The following TAB1 variants were observed in gnomAD, a reference collection of about 807,000 sequenced individuals.
TAB1 encodes TGF-beta activated kinase 1 (MAP3K7) binding protein 1.
TAB1 carries 30 observed loss-of-function variants against 54.5 expected under a neutral mutation model. The ratio of observed to expected loss-of-function variants is 0.55; its 90% CI spans 0.41 to 0.75. TAB1 has a LOEUF of 0.75. TAB1 is among the 30% of genes least tolerant of loss of function. TAB1 has a pLI of 0.00. For missense variants in TAB1, 609 were observed against 683.2 expected (o/e 0.89, Z 1.21); for synonymous variants, 289 against 286.9 (o/e 1.01, Z -0.07).
At chr22:39,402,169 C>CA (rs1201718392) in intron 1 of TAB1, among the ~76,000 whole-genome samples, 1 of 152,012 alleles carries the variant, frequency 6.6e-6, no homozygotes, top group East Asian at 1.9e-4. Context: ...GTTTTCTTGA[C>CA]ACGTGTGTTT....
At position 39,417,726 on chromosome 22, in the gene TAB1, C is replaced by T. The variant is rs1317063288; in HGVS notation, c.427C>T (p.Gln143Ter). The change falls in exon 5 of 11, where the codon CAG (glutamine) becomes TAG (stop). Residue 143 changes from glutamine (Q) to a stop codon, truncating the protein, a stop_gained. Coordinates refer to ENST00000216160, the MANE Select transcript of TAB1 (RefSeq NM_006116.3). LOFTEE classifies it high-confidence loss of function. ...ATGGTTGTAGGGAGTCCCTCAGCAC[C>T]AGCTGCCTCCTCAGTATCAGAAGAT... is the stretch of plus-strand genomic sequence containing the variant. ...SQLPEGVPQH[Q>*]LPPQYQKILE... 1 of 1,610,530 alleles carries T rather than the reference C, an allele frequency of 6.2e-7. No homozygotes were observed. Among genetic ancestry groups the T allele is most frequent in the Non-Finnish European group, 8.5e-7 (1 of 1,178,220 alleles).
chr22:39,429,883 C>A (rs1927510022), intron 10 of TAB1, 132 bp from the exon 11 acceptor site: 4 of 1,514,836 alleles, frequency 2.6e-6, no homozygotes, highest in Non-Finnish European at 3.5e-6. Context: ...GGGCCAGCTC[C>A]TATGGTCACC....
chr22:39,423,964 A>AACTAATGTATAGTGTTTTATAGTGTACG lies in TAB1; in HGVS notation c.921+1993_921+1994insACTAATGTATAGTGTTTTATAGTGTACG, dbSNP rs1569200591. On this transcript the variant is annotated intron_variant, in intron 8 of 10. Coordinates refer to ENST00000216160, the MANE Select transcript of TAB1 (RefSeq NM_006116.3). The stretch of plus-strand genomic sequence containing the variant: ...TAATGTATAGTGTTTTATAGTGTAC[A>AACTAATGTATAGTGTTTTATAGTGTACG]TTGTAACTAATGTATAGTGTTTTAT... Among the ~76,000 whole-genome samples, 102 of 148,652 alleles carry AACTAATGTATAGTGTTTTATAGTGTACG rather than the reference A, an allele frequency of 6.9e-4. 3 individuals carry two copies. The highest frequency in any genetic ancestry group is 9.6e-4 in the Non-Finnish European group (64 of 66,948).
chr22:39,420,961 C>T (rs762353339), intron 7 of TAB1, among the ~76,000 whole-genome samples: 9 of 146,758 alleles, frequency 6.1e-5, no homozygotes, highest in South Asian at 2.2e-4. Context: ...GCATCCTTTT[C>T]GGAACACCCA....
chr22:39,430,057 G>T lies in TAB1; in HGVS notation c.1350G>T (p.Thr450=), dbSNP rs761345863. Residue 450 remains threonine, a synonymous_variant, in exon 11 of 11, where the codon ACG becomes ACT. Transcript: ENST00000216160. ...TLTLQSTNTH[T]QSSSSSSDGG... ...CCCTGCAGTCCACCAACACGCACAC[G>T]CAGAGCAGCAGCTCCAGCTCTGACG... 2 of 1,613,958 alleles carry T rather than the reference G, an allele frequency of 1.2e-6. No individual in the cohort carries two copies. The highest frequency in any genetic ancestry group is 2.2e-5 in the East Asian group (1 of 44,888).
intron 1 of TAB1, among the ~76,000 whole-genome samples, chr22:39,403,862 T>C (rs1926251496): frequency 6.6e-6 from 1 of 151,996 alleles, no homozygotes; most frequent in Admixed American, 6.6e-5. Context: ...GCCAGGATGG[T>C]CTCGATCTCC....
chr22:39,429,944 C>G, intron 10 of TAB1, 71 bp from the exon 11 acceptor site: 7 of 1,590,170 alleles, frequency 4.4e-6, no homozygotes, highest in Non-Finnish European at 6.0e-6. Context: ...AGGGGCCATT[C>G]TGTCCCCACT....
chr22:39,427,965 T>G, intron 9 of TAB1, 56 bp from the exon 10 acceptor site: 1 of 1,502,024 alleles, frequency 6.7e-7, no homozygotes, highest in Non-Finnish European at 9.0e-7. Context: ...ATGCCCCTGC[T>G]ACCCTGGGTT....
intron 8 of TAB1, among the ~76,000 whole-genome samples, chr22:39,424,982 T>C (rs1927257575): frequency 6.6e-6 from 1 of 152,142 alleles, no homozygotes; most frequent in Admixed American, 6.5e-5. Flanking sequence ...AAAGAAACTT[T>C]ATGATGGTGA....
At position 39,415,251 on chromosome 22, in the gene TAB1, G is replaced by A; in HGVS notation, c.170+109G>A. 7.3e-7 allele frequency: 1 copy of A among 1,375,020 alleles called. No homozygotes were observed. The highest frequency in any genetic ancestry group is 2.3e-5 in the East Asian group (1 of 42,848). 85.2% of individuals were successfully genotyped at this position (1,375,020 alleles called of 1,614,324 possible). A position where few individuals can be genotyped will look rare whatever the true frequency, so the allele number is the denominator to read the frequency against. Reference sequence around the variant, plus strand: ...CGTATGGGCTTGCCAGTGACATGTGGCCCGTGAGAGGTGGCCTCTGCTGCT... The same window carrying A: ...CGTATGGGCTTGCCAGTGACATGTGACCCGTGAGAGGTGGCCTCTGCTGCT... On this transcript the variant is annotated intron_variant, in intron 2 of 10. Coordinates refer to ENST00000216160, the MANE Select transcript of TAB1 (RefSeq NM_006116.3). This position sits in a 1 kb window ranked among gnomAD's most constrained non-coding sequence, Gnocchi z 4.9.
downstream of TAB1, among the ~76,000 whole-genome samples, chr22:39,436,265 C>A (rs1257748787): frequency 6.6e-6 from 1 of 151,998 alleles, no homozygotes; most frequent in African/African-American, 2.4e-5. Flanking sequence ...TATACTCCAG[C>A]CTGGGCAACA....
intron 4 of TAB1, among the ~76,000 whole-genome samples, chr22:39,417,137 T>C (rs979073543): frequency 4.6e-5 from 7 of 152,140 alleles, no homozygotes; most frequent in Non-Finnish European, 7.4e-5. Flanking sequence ...CCTGAATGGG[T>C]CCCCGCCCTT....
At chr22:39,405,037 C>T (rs760214399) in intron 1 of TAB1, among the ~76,000 whole-genome samples, 46 of 152,198 alleles carry the variant, frequency 3.0e-4, no homozygotes, top group Non-Finnish European at 5.1e-4. Context: ...TTCCTTTTTG[C>T]TTCTAAGGAA....
chr22:39,405,717 A>G lies in TAB1; in HGVS notation c.33+5882A>G, dbSNP rs189834809. 2.4e-3 allele frequency among the ~76,000 whole-genome samples: 368 copies of G among 152,356 alleles called. 1 individual carries two copies. Among genetic ancestry groups the G allele is most frequent in the Non-Finnish European group, 4.4e-3 (297 of 68,026 alleles). ...GAAGCGAGAGACTTGGCAGTCCTGTAGGCTTTAATGGAATCAGCAATGGAC... is the reference window on the plus strand; with the variant it reads ...GAAGCGAGAGACTTGGCAGTCCTGTGGGCTTTAATGGAATCAGCAATGGAC... On this transcript the variant is annotated intron_variant, in intron 1 of 10. Transcript: ENST00000216160.
chr22:39,421,314 C>G (rs1226802538), intron 7 of TAB1, among the ~76,000 whole-genome samples: 3 of 152,184 alleles, frequency 2.0e-5, no homozygotes, highest in Non-Finnish European at 4.4e-5. Context: ...CTCCGCTCTT[C>G]TGGATGGTGT....
intron 1 of TAB1, among the ~76,000 whole-genome samples, chr22:39,401,146 A>AT (rs1178494217): frequency 2.6e-5 from 4 of 152,168 alleles, no homozygotes; most frequent in Admixed American, 1.3e-4. Context: ...GGCACTCAAT[A>AT]AATACATTTG....
At chr22:39,429,443 T>C in intron 10 of TAB1, 1 of 804,424 alleles carries the variant, frequency 1.2e-6, no homozygotes, top group African/African-American at 1.9e-5. Flanking sequence ...CTCTAGCCAC[T>C]TGTGGCTATT....
In TAB1 at chr22:39,430,142, G is replaced by T. The variant is rs1251254720; in HGVS notation, c.1435G>T (p.Glu479Ter). ...SLPPGEDGRV[E>*]PYVDFAEFYR... ...CCCGCCTGGCGAGGACGGTCGTGTTGAGCCCTATGTGGACTTTGCTGAGTT... is the reference window on the plus strand; with the variant it reads ...CCCGCCTGGCGAGGACGGTCGTGTTTAGCCCTATGTGGACTTTGCTGAGTT... Residue 479 changes from glutamate (E) to a stop codon, truncating the protein, a stop_gained, in exon 11 of 11, where the codon GAG becomes TAG. Transcript: ENST00000216160. LOFTEE classifies it high-confidence loss of function. 1 of 1,613,916 alleles carries T rather than the reference G, an allele frequency of 6.2e-7. No individual in the cohort carries two copies. Among genetic ancestry groups the T allele is most frequent in the Non-Finnish European group, 8.5e-7 (1 of 1,180,060 alleles).
chr22:39,416,684 C>T, intron 3 of TAB1, 107 bp from the exon 4 acceptor site: 1 of 1,035,522 alleles, frequency 9.7e-7, no homozygotes, highest in Admixed American at 1.8e-5. Context: ...CACACAAGAA[C>T]CTGCAGTGAA....
Sources: allele counts gnomAD v4.1 joint callset (sites outside exome capture counted in the v4.1 genomes callset), GRCh38; gene constraint gnomAD v4.1.1; non-coding constraint Gnocchi (gnomAD v3.1); transcripts MANE v1.5; gene names NCBI Gene and HGNC (gene_info 2026-07-23, HGNC 2026-07-21).